The following CEP162 variants were observed in gnomAD, a reference collection of about 807,000 sequenced individuals.
CEP162 encodes the protein centrosomal protein 162.
CEP162 carries 141 observed loss-of-function variants against 169.2 expected under a neutral mutation model. The observed-to-expected ratio is 0.83, with a 90% CI of 0.73 to 0.96. The LOEUF (loss-of-function observed/expected upper bound fraction) is 0.96, where lower values mean the gene tolerates loss of function less well. CEP162 is among the 40% of genes least tolerant of loss of function. The probability of loss-of-function intolerance (pLI) is 0.00; values close to 1 mark genes in which losing one functional copy is unlikely to be tolerated. For synonymous variants in CEP162, 540 were observed against 526.4 expected (o/e 1.03, Z -0.35); for missense variants, 1,600 against 1,587.2 (o/e 1.01, Z -0.14).
At chr6:84,171,740 C>A in intron 16 of CEP162, 22 bp from the exon 17 acceptor site, 5 of 1,118,926 alleles carry the variant, frequency 4.5e-6, no homozygotes, top group Admixed American at 3.1e-5. Context: ...CAGAAAACTG[C>A]ATTTTAGTTA....
chr6:84,126,815 C>T (rs1393634479), intron 25 of CEP162, among the ~76,000 whole-genome samples: 2 of 151,994 alleles, frequency 1.3e-5, no homozygotes, highest in Non-Finnish European at 2.9e-5. Context: ...AGTTTCACTA[C>T]AAGGTATTGT....
At chr6:84,204,730 G>C (rs540354977) in intron 6 of CEP162, among the ~76,000 whole-genome samples, 110 of 152,258 alleles carry the variant, frequency 7.2e-4, no homozygotes, top group African/African-American at 2.6e-3. Context: ...ACTAAGATCA[G>C]AGCAGAATTG....
In CEP162 at chr6:84,155,436, T is replaced by G; in HGVS notation, c.2856A>C (p.Ala952=). The change falls in exon 22 of 27, where the codon GCA becomes GCC. Residue 952 remains alanine (A), a synonymous_variant. Transcript: ENST00000403245. ...TATTTTTATCCACTGTATCACCAGC[T>G]GCTGATGCAGCCAATATTAAAGCAG... The part of the protein sequence containing the change: ...SLPALILAAS[A]AGDTVDKNTV... 1.9e-6 allele frequency: 3 copies of G among 1,613,440 alleles called. No homozygotes were observed. Among genetic ancestry groups the G allele is most frequent in the Non-Finnish European group, 2.5e-6 (3 of 1,179,470 alleles).
chr6:84,187,994 A>C (rs1234120570), intron 11 of CEP162, among the ~76,000 whole-genome samples: 1 of 152,140 alleles, frequency 6.6e-6, no homozygotes, highest in East Asian at 1.9e-4. Context: ...TCAGCCTTGA[A>C]GAATGCTATG....
chr6:84,147,468 G>T (rs1457566516), intron 24 of CEP162, among the ~76,000 whole-genome samples: 1 of 152,058 alleles, frequency 6.6e-6, no homozygotes, highest in Non-Finnish European at 1.5e-5. Flanking sequence ...GTATTTCACG[G>T]TAACTAGAAG....
At chr6:84,147,337 G>C (rs756535065) in intron 24 of CEP162, among the ~76,000 whole-genome samples, 1 of 152,030 alleles carries the variant, frequency 6.6e-6, no homozygotes, top group Non-Finnish European at 1.5e-5. Flanking sequence ...GGGAGTGGGG[G>C]GTTGGGAAGG....
intron 10 of CEP162, among the ~76,000 whole-genome samples, chr6:84,194,303 C>T (rs1456897707): frequency 2.0e-5 from 3 of 148,818 alleles, no homozygotes; most frequent in East Asian, 2.0e-4. Flanking sequence ...TGCTGTGAGC[C>T]GAGATCGTGC....
intron 25 of CEP162, among the ~76,000 whole-genome samples, chr6:84,135,022 CAT>C (rs1337692077): frequency 6.6e-6 from 1 of 151,282 alleles, no homozygotes; most frequent in African/African-American, 2.4e-5. Flanking sequence ...CATGAACAAA[CAT>C]GTATTTGCAT....
At chr6:84,147,142 A>G (rs553939190) in intron 24 of CEP162, among the ~76,000 whole-genome samples, 1 of 152,264 alleles carries the variant, frequency 6.6e-6, no homozygotes, top group South Asian at 2.1e-4. Flanking sequence ...TACCCAATGG[A>G]ATACAATTCA....
At chr6:84,187,236 T>C (rs1354435879) in intron 11 of CEP162, among the ~76,000 whole-genome samples, 3 of 152,162 alleles carry the variant, frequency 2.0e-5, no homozygotes, top group Non-Finnish European at 2.9e-5. Context: ...ACCTAGAAGA[T>C]ACAACGTAAG....
At position 84,195,336 on chromosome 6, in the gene CEP162, C is replaced by A. The variant is rs942299104; in HGVS notation, c.836-261G>T. On this transcript the variant is annotated intron_variant, in intron 9 of 26. Coordinates refer to ENST00000403245, the MANE Select transcript of CEP162 (RefSeq NM_014895.4). ...TCTTTCTCCTACTATTCTTAATCGA[C>A]CCCCTCTGCATAACTATTCTTAAGT... 4.6e-5 allele frequency among the ~76,000 whole-genome samples: 7 copies of A among 152,286 alleles called. No homozygotes were observed. The South Asian group carries it at 1.5e-3, about 32-fold the overall frequency.
intron 13 of CEP162, among the ~76,000 whole-genome samples, chr6:84,177,387 A>G (rs111298143): frequency 0.018 from 2,780 of 151,722 alleles, 47 homozygotes; most frequent in Non-Finnish European, 0.026. Context: ...AGACTTGGAA[A>G]CTGAGACAAA....
intron 11 of CEP162, among the ~76,000 whole-genome samples, chr6:84,190,458 A>G (rs1368826540): frequency 2.0e-5 from 3 of 152,050 alleles, no homozygotes; most frequent in Non-Finnish European, 4.4e-5. Context: ...TCTTTGCAAT[A>G]AGTCTTGCTA....
rs780800395 is a variant in CEP162 at position 84,153,091 on chromosome 6, T to C, written c.3083A>G (p.Glu1028Gly). 3.1e-6 allele frequency: 5 copies of C among 1,613,096 alleles called. No homozygotes were observed. Among genetic ancestry groups the C allele is most frequent in the South Asian group, 2.2e-5 (2 of 90,962 alleles). ...QHDSPRIKALEKELDDIKEAH... is the reference protein window; with the variant it reads ...QHDSPRIKALGKELDDIKEAH... Reference sequence around the variant, plus strand: ...TTCCTTGATGTCATCAAGTTCCTTCTCTAGGGCTTTAATTCTGGGAGAGTC... The same window carrying C: ...TTCCTTGATGTCATCAAGTTCCTTCCCTAGGGCTTTAATTCTGGGAGAGTC... The change falls in exon 23 of 27, where the codon GAG (glutamate) becomes GGG (glycine). Residue 1028 changes from glutamate (E) to glycine (G), a missense_variant. Physicochemically the swap from Glu to Gly is moderately conservative, Grantham distance 98. Transcript: ENST00000403245.
intron 6 of CEP162, among the ~76,000 whole-genome samples, chr6:84,210,464 A>G (rs1010594457): frequency 1.3e-5 from 2 of 152,336 alleles, no homozygotes; most frequent in Admixed American, 1.3e-4. Flanking sequence ...TTCCTAAGAA[A>G]ACAAGTGAGC....
At chr6:84,130,477 C>G (rs369991521) in intron 25 of CEP162, among the ~76,000 whole-genome samples, 1 of 152,262 alleles carries the variant, frequency 6.6e-6, no homozygotes, top group African/African-American at 2.4e-5. Flanking sequence ...GCTGTGCACC[C>G]ATCCAGTCCT....
chr6:84,189,176 C>T (rs1723689830), intron 11 of CEP162, among the ~76,000 whole-genome samples: 1 of 152,046 alleles, frequency 6.6e-6, no homozygotes, highest in Non-Finnish European at 1.5e-5. Context: ...CTCAGCCTCC[C>T]GAGTAGCTGG....
rs749847550 is a variant in CEP162 at position 84,215,844 on chromosome 6, G to A, written c.251C>T (p.Ala84Val). The change falls in exon 4 of 27, where the codon GCT becomes GTT. Residue 84 changes from alanine (A) to valine (V), a missense_variant. Ala to Val is a moderately conservative substitution (Grantham distance 64). Transcript: ENST00000403245. ...GCTCTTAAGAAATTGAATCTTTTCA[G>A]CAGACTCCTCTTCTATTTCCATAAC... ...QPVMEIEEES[A>V]EKIQFLKSSG... is the part of the protein sequence containing the mutation. 2 of 1,585,346 alleles carry A rather than the reference G, an allele frequency of 1.3e-6. No individual in the cohort carries two copies. The highest frequency in any genetic ancestry group is 2.7e-5 in the African/African-American group (2 of 74,550).
At chr6:84,183,687 C>T (rs1211261330) in intron 13 of CEP162, among the ~76,000 whole-genome samples, 2 of 152,156 alleles carry the variant, frequency 1.3e-5, no homozygotes, top group Non-Finnish European at 2.9e-5. Flanking sequence ...CTTTTACACA[C>T]ATCATCAGCT....
Sources: gnomAD v4.1 joint callset for allele counts (sites outside exome capture counted in the v4.1 genomes callset) on GRCh38, gnomAD v4.1.1 for gene constraint, MANE v1.5 for transcripts, NCBI Gene and HGNC (gene_info 2026-07-23, HGNC 2026-07-21) for gene names.